STPG2: variants seen among roughly 807,000 people sequenced by gnomAD.
STPG2 encodes the protein sperm-tail PG-rich repeat-containing protein 2.
STPG2 carries 56 observed loss-of-function variants against 54.2 expected under a neutral mutation model. That is an observed-to-expected ratio of 1.03 (90% CI 0.83 to 1.29). The LOEUF is 1.29. Among genes scored for constraint, STPG2 ranks in the 50% most tolerant of loss-of-function variants. The probability of loss-of-function intolerance (pLI) is 0.00; values close to 1 mark genes in which losing one functional copy is unlikely to be tolerated. For missense variants in STPG2, 596 were observed against 544.9 expected, an observed-to-expected ratio of 1.09 and a Z score of -0.93; for synonymous variants, 200 against 181.8, an observed-to-expected ratio of 1.10 and a Z score of -0.81.
At chr4:97,459,180 G>C (rs1729597648) in intron 4 of STPG2, among the ~76,000 whole-genome samples, 1 of 152,000 alleles carries the variant, frequency 6.6e-6, no homozygotes, top group Non-Finnish European at 1.5e-5. Flanking sequence ...CACTGTGTGA[G>C]AGAGAGACGC....
chr4:97,670,736 A>C (rs1020937315), intron 10 of STPG2, among the ~76,000 whole-genome samples: 2 of 152,206 alleles, frequency 1.3e-5, no homozygotes, highest in South Asian at 2.1e-4. Flanking sequence ...ATTTTCTGTC[A>C]TTACCAAGAT....
intron 9 of STPG2, among the ~76,000 whole-genome samples, chr4:97,747,885 G>C (rs1470824726): frequency 6.6e-6 from 1 of 151,324 alleles, no homozygotes; most frequent in Admixed American, 6.6e-5. Flanking sequence ...GATGACCTTT[G>C]ATGTGTTCTG....
chr4:97,636,372 G>T (rs1450791519), intron 10 of STPG2, among the ~76,000 whole-genome samples: 1 of 135,860 alleles, frequency 7.4e-6, no homozygotes, highest in Non-Finnish European at 1.6e-5. Context: ...AGCATTAAAT[G>T]CCCACAAGAG....
At chr4:97,865,578 C>T (rs1225963768) in intron 8 of STPG2, among the ~76,000 whole-genome samples, 1 of 151,928 alleles carries the variant, frequency 6.6e-6, no homozygotes, top group Non-Finnish European at 1.5e-5. Context: ...CCCAGCCATC[C>T]CATTACTGGG....
At chr4:98,007,576 G>A (rs1735613954) in intron 5 of STPG2, among the ~76,000 whole-genome samples, 1 of 151,956 alleles carries the variant, frequency 6.6e-6, no homozygotes. Flanking sequence ...ACACCCCAAA[G>A]GATTACACTA....
At chr4:97,510,617 G>C (rs1369437543) in intron 4 of STPG2, among the ~76,000 whole-genome samples, 1 of 152,042 alleles carries the variant, frequency 6.6e-6, no homozygotes, top group African/African-American at 2.4e-5. Context: ...TGGACTGGGG[G>C]TGGGAGAGAT....
intron 7 of STPG2, among the ~76,000 whole-genome samples, chr4:97,950,360 C>T (rs1458628680): frequency 1.3e-5 from 2 of 152,044 alleles, no homozygotes; most frequent in African/African-American, 4.8e-5. Flanking sequence ...AGCACTGAAA[C>T]TCTTTCTTCT....
At chr4:97,833,141 T>C (rs1728520869) in intron 9 of STPG2, among the ~76,000 whole-genome samples, 1 of 152,168 alleles carries the variant, frequency 6.6e-6, no homozygotes. Context: ...AAAAACAGCA[T>C]GGTGCTGGTA....
intron 10 of STPG2, among the ~76,000 whole-genome samples, chr4:97,581,811 C>G (rs1732869735): frequency 6.6e-6 from 1 of 151,804 alleles, no homozygotes; most frequent in African/African-American, 2.4e-5. Flanking sequence ...AAACATCTGT[C>G]AAAGGATCTA....
chr4:98,011,634 C>T (rs763525444), intron 5 of STPG2, among the ~76,000 whole-genome samples: 58 of 152,138 alleles, frequency 3.8e-4, no homozygotes, highest in Non-Finnish European at 5.4e-4. Context: ...TGTTTCTTGA[C>T]TTTTTAATAA....
chr4:97,766,718 C>A (rs1341212591), intron 9 of STPG2, among the ~76,000 whole-genome samples: 1 of 151,968 alleles, frequency 6.6e-6, no homozygotes, highest in Non-Finnish European at 1.5e-5. Flanking sequence ...AAAAATAACT[C>A]TTTAGTAAGT....
At chr4:97,631,532 T>C (rs1721278199) in intron 10 of STPG2, among the ~76,000 whole-genome samples, 1 of 152,146 alleles carries the variant, frequency 6.6e-6, no homozygotes, top group African/African-American at 2.4e-5. Flanking sequence ...TAGTTTTAGA[T>C]AATCATCAGG....
chr4:97,667,716 A>C (rs188420532), intron 10 of STPG2, among the ~76,000 whole-genome samples: 5 of 152,296 alleles, frequency 3.3e-5, no homozygotes, highest in Non-Finnish European at 5.9e-5. Context: ...TTTTGATACT[A>C]TCATACTTCA....
chr4:97,985,104 C>T (rs1734790687), intron 5 of STPG2, among the ~76,000 whole-genome samples: 1 of 152,096 alleles, frequency 6.6e-6, no homozygotes. Context: ...TAAATATTAA[C>T]ACTACTAAAA....
intron 8 of STPG2, among the ~76,000 whole-genome samples, chr4:97,930,906 T>C (rs1354669792): frequency 6.6e-6 from 1 of 152,214 alleles, no homozygotes; most frequent in Non-Finnish European, 1.5e-5. Flanking sequence ...TTCACCTCCA[T>C]GATTAGCTGT....
At chr4:97,855,958 C>G (rs1182196921) in intron 8 of STPG2, among the ~76,000 whole-genome samples, 1 of 152,092 alleles carries the variant, frequency 6.6e-6, no homozygotes, top group African/African-American at 2.4e-5. Flanking sequence ...TCAGGTTTGT[C>G]AAATATCAGA....
chr4:97,933,953 G>A (rs893847892), intron 8 of STPG2, among the ~76,000 whole-genome samples: 1 of 152,168 alleles, frequency 6.6e-6, no homozygotes, highest in East Asian at 1.9e-4. Context: ...ATTACTTTGG[G>A]CAGTATGCCT....
chr4:97,923,415 C>A (rs772314545), intron 8 of STPG2, among the ~76,000 whole-genome samples: 2 of 152,198 alleles, frequency 1.3e-5, no homozygotes, highest in Non-Finnish European at 2.9e-5. Context: ...AGGCGCACAG[C>A]GCAGGACTGG....
chr4:98,047,938 C>G (rs753058628), intron 5 of STPG2, among the ~76,000 whole-genome samples: 1 of 152,056 alleles, frequency 6.6e-6, no homozygotes, highest in Non-Finnish European at 1.5e-5. Context: ...TAGATGACAA[C>G]ATTTTTCCTG....
Sources: gnomAD v4.1 joint callset for allele counts (sites outside exome capture counted in the v4.1 genomes callset) on GRCh38, gnomAD v4.1.1 for gene constraint, MANE v1.5 for transcripts, NCBI Gene and HGNC (gene_info 2026-07-23, HGNC 2026-07-21) for gene names.